The following ERICH1 variants were observed in gnomAD, a reference collection of about 807,000 sequenced individuals.
The protein encoded by ERICH1 is glutamate rich 1, also known as glutamate-rich protein 1.
In ERICH1, 56 loss-of-function variants were observed where a neutral mutation model predicts 39.6. The observed-to-expected ratio is 1.41, with a 90% CI of 1.14 to 1.77. The LOEUF is 1.77. Ranked by LOEUF, ERICH1 falls within the 40% of genes most tolerant of loss-of-function variation. The pLI is 0.00. For synonymous variants in ERICH1, 313 were observed against 223.6 expected (o/e 1.40, Z -3.57); for missense variants, 826 against 575.4 (o/e 1.44, Z -4.45).
chr8:724,629 G>A (rs1183273764), intron 1 of ERICH1, among the ~76,000 whole-genome samples: 1 of 152,198 alleles, frequency 6.6e-6, no homozygotes, highest in Non-Finnish European at 1.5e-5. Flanking sequence ...AGGCCGTTCA[G>A]CAAGCTGCTT....
chr8:730,567 C>T (rs898783017), intron 1 of ERICH1, among the ~76,000 whole-genome samples: 3 of 152,218 alleles, frequency 2.0e-5, no homozygotes, highest in African/African-American at 7.2e-5. Flanking sequence ...TTCTAAGGCA[C>T]GGCCAGGTTA....
chr8:723,239 T>C (rs983634492), intron 1 of ERICH1, among the ~76,000 whole-genome samples: 17 of 152,232 alleles, frequency 1.1e-4, no homozygotes, highest in African/African-American at 4.1e-4. Context: ...GCTGGCGCCA[T>C]GCTCCCTGTA....
At chr8:624,342 G>C (rs1438054954) in intron 3 of ERICH1, among the ~76,000 whole-genome samples, 1 of 152,144 alleles carries the variant, frequency 6.6e-6, no homozygotes, top group African/African-American at 2.4e-5. Context: ...CAACCATGTG[G>C]AACACAGTCC....
intron 3 of ERICH1, among the ~76,000 whole-genome samples, chr8:680,361 T>C (rs902594746): frequency 3.3e-4 from 48 of 146,970 alleles, no homozygotes; most frequent in African/African-American, 1.2e-3. Flanking sequence ...ACACAGAAGA[T>C]GCAAGAGAAT....
intron 2 of ERICH1, among the ~76,000 whole-genome samples, chr8:714,829 C>T (rs957870016): frequency 7.9e-5 from 12 of 151,932 alleles, no homozygotes; most frequent in African/African-American, 2.2e-4. Context: ...TCTCATCCCA[C>T]GTCTCTCAGT....
At chr8:629,189 T>G (rs1464444050) in intron 3 of ERICH1, among the ~76,000 whole-genome samples, 5 of 151,988 alleles carry the variant, frequency 3.3e-5, no homozygotes, top group African/African-American at 1.2e-4. Context: ...AGCACCCCCT[T>G]CCTAGCCACA....
rs1442950418 is a variant in ERICH1, at chr8:731,140, C to G, written c.22G>C (p.Val8Leu). 1.3e-6 allele frequency: 2 copies of G among 1,523,670 alleles called. No homozygotes were observed. Among genetic ancestry groups the G allele is most frequent in the South Asian group, 1.2e-5 (1 of 81,582 alleles). 94.4% of individuals were successfully genotyped at this position (1,523,670 alleles called of 1,614,324 possible). A position where few individuals can be genotyped will look rare whatever the true frequency, so the allele number is the denominator to read the frequency against. Residue 8 changes from valine (V) to leucine (L), a missense_variant and splice_region_variant, in exon 1 of 6, where the codon GTG becomes CTG. Val to Leu is a conservative substitution (Grantham distance 32). Transcript: ENST00000262109. MAAHRKH[V>L]FVEKVLQRLF... ...AGGCCTCCGCACCGCACCCACCTAC[C>G]GTGCTTCCTGTGCGCCGCCATGCGG...
intron 3 of ERICH1, chr8:640,936 G>T (rs1468846551): frequency 6.6e-6 from 1 of 152,218 alleles, no homozygotes; most frequent in Admixed American, 6.5e-5. Flanking sequence ...TCCAGAGTCA[G>T]TGAGTTTTGA....
chr8:614,947 G>C (rs1796840667), exon 4 of ERICH1: 1 of 330,048 alleles, frequency 3.0e-6, no homozygotes. Flanking sequence ...CTTATTAGGA[G>C]AGGGACAAAC....
chr8:674,237 C>G (rs569169897), intron 3 of ERICH1, among the ~76,000 whole-genome samples, 190 bp from the exon 4 acceptor site: 135 of 150,578 alleles, frequency 9.0e-4, no homozygotes, highest in African/African-American at 3.0e-3. Context: ...GCAGTACATA[C>G]ACTCACAGAT....
intron 3 of ERICH1, chr8:627,328 A>G: frequency 2.4e-6 from 1 of 412,850 alleles, no homozygotes. Flanking sequence ...GCTTGAGTGA[A>G]TGACAGCTCC....
intron 5 of ERICH1, 48 bp downstream of exon 5, chr8:668,550 G>A: frequency 3.1e-6 from 5 of 1,607,312 alleles, no homozygotes; most frequent in South Asian, 2.2e-5. Flanking sequence ...GGCAAACCTC[G>A]ATGAGAGTAT....
At chr8:688,278 CCCGCCCCGCCCCGGCCCTTCCG>C (rs1808017103) in intron 3 of ERICH1, among the ~76,000 whole-genome samples, 2 of 131,144 alleles carry the variant, frequency 1.5e-5, no homozygotes, top group African/African-American at 3.2e-5. Flanking sequence ...TCCGCCCGTC[CCCGCCCCGCCCCGGCCCTTCCG>C]CCGCCCCGCC....
intron 3 of ERICH1, among the ~76,000 whole-genome samples, chr8:650,269 G>C (rs1418329509): frequency 6.6e-6 from 1 of 152,130 alleles, no homozygotes; most frequent in African/African-American, 2.4e-5. Context: ...TCTGTCCCCG[G>C]GGTCTGACTC....
chr8:661,542 T>C (rs1056062772), downstream of ERICH1, among the ~76,000 whole-genome samples: 8 of 152,242 alleles, frequency 5.3e-5, no homozygotes, highest in African/African-American at 9.6e-5. Context: ...CCTGTCTTAA[T>C]TGACGTGGTT....
At position 668,668 on chromosome 8, in the gene ERICH1, C is replaced by A. The variant is rs377202241; in HGVS notation, c.1188G>T (p.Leu396=). ...TCAATCTCTCAGTATCTTGCAGGAGCAGCAGCGTTTTCATGTGGTACAGGA... is the reference window on the plus strand; with the variant it reads ...TCAATCTCTCAGTATCTTGCAGGAGAAGCAGCGTTTTCATGTGGTACAGGA... ...VSILYHMKTL[L]LLQDTERLKH... is the part of the protein sequence containing the mutation. The change falls in exon 5 of 6, where the codon CTG becomes CTT. Residue 396 remains leucine (L), a synonymous_variant. Coordinates refer to ENST00000262109, the MANE Select transcript of ERICH1 (RefSeq NM_207332.3). The A allele has an allele frequency of 6.8e-6, 11 of 1,614,054 alleles. No homozygotes were observed. In the African/African-American group the frequency reaches 1.5e-4, roughly 22 times the overall value.
chr8:720,753 T>A (rs558207658), intron 1 of ERICH1, among the ~76,000 whole-genome samples: 1 of 152,302 alleles, frequency 6.6e-6, no homozygotes, highest in East Asian at 1.9e-4. Context: ...GTATCATGAA[T>A]CCCTATGGCT....
chr8:633,901 A>G (rs893289037), intron 3 of ERICH1, among the ~76,000 whole-genome samples: 3 of 152,142 alleles, frequency 2.0e-5, no homozygotes, highest in Non-Finnish European at 4.4e-5. Flanking sequence ...TACATCAAAG[A>G]CCTAAATGTG....
chr8:628,649 T>C (rs1231392303), intron 3 of ERICH1, among the ~76,000 whole-genome samples: 1 of 152,190 alleles, frequency 6.6e-6, no homozygotes, highest in African/African-American at 2.4e-5. Flanking sequence ...AGCCTCAGGA[T>C]GCGGGTTCGC....
Sources: gnomAD v4.1 joint callset for allele counts (sites outside exome capture counted in the v4.1 genomes callset) on GRCh38, gnomAD v4.1.1 for gene constraint, MANE v1.5 for transcripts, NCBI Gene and HGNC (gene_info 2026-07-23, HGNC 2026-07-21) for gene names.